The following OTOF variants were observed in gnomAD, a reference collection of about 807,000 sequenced individuals.
OTOF encodes fer-1-like family member 2.
A neutral mutation model predicts 236.8 loss-of-function variants in OTOF; 218 were observed. That is an observed-to-expected ratio of 0.92 (90% CI 0.82 to 1.03). The LOEUF is 1.03. Ranked by LOEUF, OTOF falls within the 50% of genes least tolerant of loss-of-function variation. The pLI, the probability that OTOF is intolerant of heterozygous loss-of-function variation, is 0.00. For synonymous variants in OTOF, 1,041 were observed against 1,072.5 expected (o/e 0.97, Z 0.57); for missense variants, 2,590 against 2,694.4 (o/e 0.96, Z 0.86).
At chr2:26,493,364 C>T (rs1439196266) in intron 9 of OTOF, among the ~76,000 whole-genome samples, 3 of 152,170 alleles carry the variant, frequency 2.0e-5, no homozygotes, top group African/African-American at 7.2e-5. Context: ...CCTCAGCCCT[C>T]ACCCACCTCA....
chr2:26,541,307 C>A (rs561318599), intron 1 of OTOF, among the ~76,000 whole-genome samples: 17 of 152,256 alleles, frequency 1.1e-4, no homozygotes, highest in African/African-American at 4.1e-4. Flanking sequence ...TCAGCCATTG[C>A]AGAATTTATA....
At chr2:26,553,183 G>T (rs1483923115) in intron 1 of OTOF, among the ~76,000 whole-genome samples, 1 of 152,118 alleles carries the variant, frequency 6.6e-6, no homozygotes, top group African/African-American at 2.4e-5. Flanking sequence ...CACTCAGCAG[G>T]CCCACTGCTC....
chr2:26,487,130 A>AG (rs777137023), intron 11 of OTOF, among the ~76,000 whole-genome samples: 2 of 152,196 alleles, frequency 1.3e-5, no homozygotes, highest in Non-Finnish European at 2.9e-5. Context: ...GGGTGAGAAG[A>AG]GGTTCTCTCG....
At chr2:26,495,514 C>T (rs978284778) in intron 8 of OTOF, among the ~76,000 whole-genome samples, 4 of 152,228 alleles carry the variant, frequency 2.6e-5, no homozygotes, top group Non-Finnish European at 5.9e-5. Context: ...AACCCTCTGC[C>T]TCCTGGGTTC....
intron 25 of OTOF, 66 bp from the exon 26 acceptor site, chr2:26,474,740 C>A: frequency 6.4e-7 from 1 of 1,564,932 alleles, no homozygotes; most frequent in South Asian, 1.1e-5. Context: ...CTCGTTTGGT[C>A]CTTACCACAG....
intron 5 of OTOF, among the ~76,000 whole-genome samples, chr2:26,508,196 A>C (rs1386460414): frequency 2.0e-5 from 3 of 151,944 alleles, no homozygotes; most frequent in African/African-American, 7.3e-5. Flanking sequence ...CAGGATAAAG[A>C]CTCCTGTCTA....
At chr2:26,489,610 T>A (rs553942979) in intron 10 of OTOF, 68 bp downstream of exon 10, 14 of 1,378,360 alleles carry the variant, frequency 1.0e-5, no homozygotes, top group East Asian at 2.3e-5. Context: ...AGGGGGCCCC[T>A]CTCAAGTCTG....
chr2:26,508,974 G>A (rs1301606354), intron 5 of OTOF, among the ~76,000 whole-genome samples: 1 of 152,180 alleles, frequency 6.6e-6, no homozygotes, highest in African/African-American at 2.4e-5. Flanking sequence ...AATTAGAGAT[G>A]GTAAGAAATT....
At chr2:26,524,928 G>A (rs975027965) in intron 3 of OTOF, among the ~76,000 whole-genome samples, 1 of 152,154 alleles carries the variant, frequency 6.6e-6, no homozygotes. Context: ...GTTCCTTCAG[G>A]GGCTCTCAGG....
At position 26,477,236 on chromosome 2, in the gene OTOF, G is replaced by A. The variant is rs762333522; in HGVS notation, c.2459C>T (p.Thr820Met). Residue 820 changes from threonine to methionine, a missense_variant, in exon 21 of 47, where the codon ACG becomes ATG. Physicochemically the swap from Thr to Met is moderately conservative, Grantham distance 81. Transcript: ENST00000272371. The surrounding 1 kb of genome is among the most constrained non-coding windows in gnomAD (Gnocchi z 4.7). ...GCACAGCCTCAGCTTGTCCCGCACC[G>A]TGTGCCGCTTCACCTGGGCCCGCAG... Reference protein sequence around the residue: ...RMLRAQVKRHTVRDKLRLCQN... With the variant: ...RMLRAQVKRHMVRDKLRLCQN... 36 of 1,609,488 alleles carry A rather than the reference G, an allele frequency of 2.2e-5. No individual in the cohort carries two copies. Among genetic ancestry groups the A allele is most frequent in the Middle Eastern group, 1.6e-4 (1 of 6,076 alleles).
At chr2:26,497,161 G>A (rs1178853323) in intron 8 of OTOF, among the ~76,000 whole-genome samples, 1 of 136,536 alleles carries the variant, frequency 7.3e-6, no homozygotes. Flanking sequence ...GGAGTGCAGT[G>A]GCACGATCTA....
At chr2:26,535,887 C>A (rs549854927) in intron 2 of OTOF, among the ~76,000 whole-genome samples, 1 of 152,336 alleles carries the variant, frequency 6.6e-6, no homozygotes. Flanking sequence ...TCGTGCATAC[C>A]TGTGGCTCAG....
At chr2:26,538,403 G>T (rs1305840832) in intron 1 of OTOF, among the ~76,000 whole-genome samples, 2 of 152,236 alleles carry the variant, frequency 1.3e-5, no homozygotes, top group African/African-American at 2.4e-5. Context: ...TCCCTCCCGG[G>T]CTCTATTCCT....
At chr2:26,521,516 G>A (rs766109305) in intron 3 of OTOF, among the ~76,000 whole-genome samples, 5 of 152,180 alleles carry the variant, frequency 3.3e-5, no homozygotes, top group Admixed American at 6.5e-5. Context: ...GCCCCTTCCA[G>A]GAGGAATCCC....
chr2:26,558,504 A>T lies in OTOF; in HGVS notation c.68T>A (p.Val23Glu). Residue 23 changes from valine to glutamate, a missense_variant, in exon 1 of 47, where the codon GTG (valine) becomes GAG (glutamate). Physicochemically the swap from Val to Glu is moderately radical, Grantham distance 121. This residue lies in a region of OTOF where 1,379 missense variants were observed against 1,341.6 expected (regional missense o/e 1.03). Transcript: ENST00000272371. ...AGCGGCTTCCCTACCTCGGAAAGTCACTTTGGCGATCCGGTCGCCCCTGCC... is the reference window on the plus strand; with the variant it reads ...AGCGGCTTCCCTACCTCGGAAAGTCTCTTTGGCGATCCGGTCGCCCCTGCC... ...LRGRGDRIAK[V>E]TFRGQSFYSR... is the part of the protein sequence containing the mutation. 1 of 1,613,612 alleles carries T rather than the reference A, an allele frequency of 6.2e-7. No homozygotes were observed. Among genetic ancestry groups the T allele is most frequent in the Non-Finnish European group, 8.5e-7 (1 of 1,179,778 alleles).
intron 8 of OTOF, 66 bp downstream of exon 8, chr2:26,501,688 C>T (rs1558501990): frequency 3.6e-6 from 4 of 1,102,240 alleles, no homozygotes; most frequent in African/African-American, 1.5e-5. Flanking sequence ...GGATAATGCA[C>T]ATCCGGCTAG....
intron 5 of OTOF, among the ~76,000 whole-genome samples, chr2:26,513,079 C>T (rs1261725277): frequency 6.6e-6 from 1 of 152,068 alleles, no homozygotes; most frequent in Non-Finnish European, 1.5e-5. Flanking sequence ...AGAGGGCATG[C>T]GGCTGACCAG....
intron 46 of OTOF, 64 bp downstream of exon 46, chr2:26,459,944 A>C: frequency 7.2e-7 from 1 of 1,397,586 alleles, no homozygotes; most frequent in Non-Finnish European, 9.7e-7. Flanking sequence ...GTGCGTGTAT[A>C]TGTGTGTGTG....
At chr2:26,514,958 C>T (rs1558509003) in intron 5 of OTOF, among the ~76,000 whole-genome samples, 1 of 152,220 alleles carries the variant, frequency 6.6e-6, no homozygotes, top group Non-Finnish European at 1.5e-5. Context: ...CTTCACTCCC[C>T]GTCTGAGCAC....
Sources: allele counts gnomAD v4.1 joint callset (sites outside exome capture counted in the v4.1 genomes callset), GRCh38; gene constraint gnomAD v4.1.1; regional missense constraint gnomAD v4.1.1; non-coding constraint Gnocchi (gnomAD v3.1); transcripts MANE v1.5; gene names NCBI Gene and HGNC (gene_info 2026-07-23, HGNC 2026-07-21).